Variants in NUP88 observed in about 807,000 individuals in gnomAD.
NUP88 encodes the protein nuclear pore complex protein Nup88.
In NUP88, 57 loss-of-function variants were observed where a neutral mutation model predicts 93.9. That is an observed-to-expected ratio of 0.61 (90% CI 0.49 to 0.76). NUP88 has a LOEUF of 0.76. Ranked by LOEUF, NUP88 falls within the 30% of genes least tolerant of loss-of-function variation. The pLI, the probability that NUP88 is intolerant of heterozygous loss-of-function variation, is 0.00. For missense variants in NUP88, 911 were observed against 901.0 expected (o/e 1.01, Z -0.14); for synonymous variants, 346 against 336.8 (o/e 1.03, Z -0.30).
intron 7 of NUP88, among the ~76,000 whole-genome samples, chr17:5,400,201 A>G (rs1913065934): frequency 6.7e-6 from 1 of 149,462 alleles, no homozygotes; most frequent in Admixed American, 6.7e-5. Context: ...CCTATGTTTT[A>G]AAAAGTATAA....
In NUP88 at chr17:5,408,736, T is replaced by C. The variant is rs1913644665; in HGVS notation, c.854A>G (p.His285Arg). 1 of 1,596,716 alleles carries C rather than the reference T, an allele frequency of 6.3e-7. No individual in the cohort carries two copies. Among genetic ancestry groups the C allele is most frequent in the Admixed American group, 1.8e-5 (1 of 56,744 alleles). The change falls in exon 5 of 17, where the codon CAC becomes CGC. Residue 285 changes from histidine to arginine, a missense_variant. Coordinates refer to ENST00000573584, the MANE Select transcript of NUP88 (RefSeq NM_002532.6). The stretch of plus-strand genomic sequence containing the variant: ...GTGGGTGACCACCTCAACTTACCTG[T>C]GTAACAGACTGATGTATGTCAGGAA... ...ETFLTYISLL[H>R]SPGNIGKLLG...
chr17:5,388,869 G>C lies in NUP88; in HGVS notation c.1576C>G (p.Pro526Ala), dbSNP rs768412418. The stretch of plus-strand genomic sequence containing the variant: ...CTAATATGCTTTTCAAAGGAATCTG[G>C]GGTTTCAGCCAGAACACGGAGGGGA... Reference protein sequence around the residue: ...ESPLRVLAETPDSFEKHIRSI... With the variant: ...ESPLRVLAETADSFEKHIRSI... Residue 526 changes from proline (P) to alanine (A), a missense_variant, in exon 11 of 17, where the codon CCA becomes GCA. Coordinates refer to ENST00000573584, the MANE Select transcript of NUP88 (RefSeq NM_002532.6). 7.4e-6 allele frequency: 12 copies of C among 1,614,056 alleles called. No homozygotes were observed. Among genetic ancestry groups the C allele is most frequent in the Non-Finnish European group, 1.0e-5 (12 of 1,179,962 alleles).
chr17:5,385,120 A>T lies in NUP88; in HGVS notation c.*1086T>A, dbSNP rs1597308857. Reference sequence around the variant, plus strand: ...ATGGTTAGTGGTCTCTACTGTGGCAAATGCCAACTGTTGGAATTCACTTTA... The same window carrying T: ...ATGGTTAGTGGTCTCTACTGTGGCATATGCCAACTGTTGGAATTCACTTTA... On this transcript the variant is annotated 3_prime_UTR_variant, in exon 17 of 17. Coordinates refer to ENST00000573584, the MANE Select transcript of NUP88 (RefSeq NM_002532.6). 4.4e-6 allele frequency: 1 copy of T among 229,596 alleles called. No individual in the cohort carries two copies. Among genetic ancestry groups the T allele is most frequent in the Middle Eastern group, 1.3e-3 (1 of 772 alleles). 14.2% of individuals were successfully genotyped at this position (229,596 alleles called of 1,614,324 possible). A position where few individuals can be genotyped will look rare whatever the true frequency, so the allele number is the denominator to read the frequency against.
intron 9 of NUP88, among the ~76,000 whole-genome samples, chr17:5,394,213 A>T (rs1912627215): frequency 6.6e-6 from 1 of 152,204 alleles, no homozygotes; most frequent in African/African-American, 2.4e-5. Context: ...TACTCAGGAA[A>T]GGACCTAGAA....
In NUP88 at chr17:5,385,172, T is replaced by C. The variant is rs1806220; in HGVS notation, c.*1034A>G. ...TGTAGAAAAACCCAAACTGAGACTC[T>C]TAAGTTTTGTTTAGCAATGTGTTTC... is the stretch of plus-strand genomic sequence containing the variant. On this transcript the variant is annotated 3_prime_UTR_variant, in exon 17 of 17. Coordinates refer to ENST00000573584, the MANE Select transcript of NUP88 (RefSeq NM_002532.6). 4,624 of 229,902 alleles carry C rather than the reference T, an allele frequency of 0.02. 61 individuals carry two copies. The highest frequency in any genetic ancestry group is 0.043 in the Middle Eastern group (33 of 772). The allele number at this position is 229,902 out of a possible 1,614,324, so 14.2% of individuals were successfully genotyped here. A position where few individuals can be genotyped will look rare whatever the true frequency, so the allele number is the denominator to read the frequency against.
chr17:5,414,657 C>T (rs1222213369), intron 2 of NUP88, among the ~76,000 whole-genome samples: 3 of 152,120 alleles, frequency 2.0e-5, no homozygotes, highest in African/African-American at 7.2e-5. Flanking sequence ...CGCAATGGCT[C>T]ACGCCTATCT....
intron 8 of NUP88, among the ~76,000 whole-genome samples, chr17:5,398,031 C>T (rs1344807016): frequency 6.6e-6 from 1 of 151,548 alleles, no homozygotes; most frequent in Middle Eastern, 3.4e-3. Flanking sequence ...CTCAGCCTCC[C>T]GAGTAGCTGG....
At chr17:5,405,681 T>G (rs1913451481) in intron 5 of NUP88, among the ~76,000 whole-genome samples, 1 of 152,228 alleles carries the variant, frequency 6.6e-6, no homozygotes, top group African/African-American at 2.4e-5. Context: ...GAAGCTACTG[T>G]GGCAAAGGTC....
At chr17:5,411,220 A>C (rs1365552763) in intron 3 of NUP88, among the ~76,000 whole-genome samples, 1 of 152,156 alleles carries the variant, frequency 6.6e-6, no homozygotes, top group Non-Finnish European at 1.5e-5. Context: ...ACTGGCTGAC[A>C]GAGTGAGTGA....
At chr17:5,404,038 CTA>C in intron 7 of NUP88, 59 bp downstream of exon 7, 2 of 1,510,294 alleles carry the variant, frequency 1.3e-6, no homozygotes, top group Non-Finnish European at 1.8e-6. Context: ...TAGGAACAGT[CTA>C]TGATAGTCTT....
chr17:5,404,959 G>C (rs2301738), intron 6 of NUP88, 98 bp downstream of exon 6: 33 of 1,035,774 alleles, frequency 3.2e-5, no homozygotes, highest in Middle Eastern at 3.1e-4. Context: ...AGTTCCATAA[G>C]TAAGTTAAAA....
Position 5,414,071 on chromosome 17 carries a change from T to C in NUP88, c.531A>G (p.Ala177=), listed in dbSNP as rs957577454. 16 of 1,613,744 alleles carry C rather than the reference T, an allele frequency of 9.9e-6. No homozygotes were observed. Among genetic ancestry groups the C allele is most frequent in the African/African-American group, 5.3e-5 (4 of 74,936 alleles). The change falls in exon 3 of 17, where the codon GCA becomes GCG. Residue 177 remains alanine, a synonymous_variant. Coordinates refer to ENST00000573584, the MANE Select transcript of NUP88 (RefSeq NM_002532.6). The part of the protein sequence containing the change: ...SSTSLTLKHA[A]WYPSEILDPH... ...GATCCAGGATTTCACTTGGATACCA[T>C]GCAGCATGCTTTAGAGTCAGAGAGG... is the stretch of plus-strand genomic sequence containing the variant.
intron 7 of NUP88, among the ~76,000 whole-genome samples, chr17:5,402,270 G>A (rs1913218330): frequency 6.6e-6 from 1 of 151,662 alleles, no homozygotes; most frequent in Non-Finnish European, 1.5e-5. Context: ...TCGTGCCATT[G>A]CACTCCAGCT....
intron 10 of NUP88, among the ~76,000 whole-genome samples, chr17:5,389,326 A>C (rs1175568565): frequency 1.3e-5 from 2 of 152,270 alleles, no homozygotes; most frequent in African/African-American, 4.8e-5. Context: ...ACCAATATTA[A>C]GCCAAGAAAC....
Position 5,405,168 on chromosome 17 carries a change from C to A in NUP88, c.933G>T (p.Ala311=), listed in dbSNP as rs146747198. The A allele has an allele frequency of 6.2e-7, 1 of 1,614,158 alleles. No homozygotes were observed. Among genetic ancestry groups the A allele is most frequent in the South Asian group, 1.1e-5 (1 of 91,082 alleles). ...PAAEDNYGYD[A]CAVLCLPCVP... is the part of the protein sequence containing the mutation. The stretch of plus-strand genomic sequence containing the variant: ...CACAGGGTAAGCAGAGTACAGCACA[C>A]GCATCATAACCATAGTTATCTTCAG... The change falls in exon 6 of 17, where the codon GCG becomes GCT. Residue 311 remains alanine (A), a synonymous_variant. Transcript: ENST00000573584.
chr17:5,398,092 T>C (rs868828823), intron 8 of NUP88, among the ~76,000 whole-genome samples: 11 of 151,436 alleles, frequency 7.3e-5, no homozygotes, highest in East Asian at 2.0e-4. Context: ...TTTTTTTTTT[T>C]AGTAGAGACA....
chr17:5,400,474 C>T (rs574060514), intron 7 of NUP88, among the ~76,000 whole-genome samples: 9 of 136,092 alleles, frequency 6.6e-5, no homozygotes, highest in South Asian at 4.5e-4. Context: ...CCAGCGTGGG[C>T]GAGAGTGAAA....
At chr17:5,402,207 T>G (rs1190335454) in intron 7 of NUP88, among the ~76,000 whole-genome samples, 3 of 152,104 alleles carry the variant, frequency 2.0e-5, no homozygotes, top group Admixed American at 1.3e-4. Context: ...TTTGGGAGGC[T>G]GAGGCAGGAG....
At chr17:5,406,952 G>GTT (rs1050532055) in intron 5 of NUP88, among the ~76,000 whole-genome samples, 1 of 152,118 alleles carries the variant, frequency 6.6e-6, no homozygotes, top group Non-Finnish European at 1.5e-5. Context: ...CTGATGAAAT[G>GTT]TAAGGATGAA....
Sources: gnomAD v4.1 joint callset for allele counts (sites outside exome capture counted in the v4.1 genomes callset) on GRCh38, gnomAD v4.1.1 for gene constraint, MANE v1.5 for transcripts, NCBI Gene and HGNC (gene_info 2026-07-23, HGNC 2026-07-21) for gene names.